Variants in CDH10 observed in about 807,000 individuals in gnomAD.
CDH10 encodes the protein cadherin 10.
Under a neutral mutation model 73.1 loss-of-function variants are expected in CDH10, and 30 were observed. That is an observed-to-expected ratio of 0.41 (90% CI 0.31 to 0.56). CDH10 has a LOEUF of 0.56. Among genes scored for constraint, CDH10 ranks in the 20% least tolerant of loss-of-function variants. The pLI is 0.27. For synonymous variants in CDH10, 345 were observed against 348.2 expected, an observed-to-expected ratio of 0.99 and a Z score of 0.10; for missense variants, 815 against 973.7, an observed-to-expected ratio of 0.84 and a Z score of 2.17.
At chr5:24,506,830 C>T (rs951983539) in intron 7 of CDH10, among the ~76,000 whole-genome samples, 12 of 152,146 alleles carry the variant, frequency 7.9e-5, no homozygotes, top group African/African-American at 2.7e-4. Context: ...TCAATAAAAG[C>T]GTCTGCTGTC....
intron 1 of CDH10, among the ~76,000 whole-genome samples, chr5:24,600,167 T>C (rs1005717615): frequency 6.6e-6 from 1 of 152,174 alleles, no homozygotes; most frequent in Non-Finnish European, 1.5e-5. Context: ...CATTTTTTGA[T>C]TCTTAAAGGG....
Position 24,593,530 on chromosome 5 carries a change from G to C in CDH10, c.-40C>G, listed in dbSNP as rs2112094957. On this transcript the variant is annotated 5_prime_UTR_variant, in exon 2 of 12. Transcript: ENST00000264463. ...CAAATCCCAGTGTAGATGAAGAGAA[G>C]TGGTCCTATTTTACCCAGTTGGTTT... 1 of 1,170,992 alleles carries C rather than the reference G, an allele frequency of 8.5e-7. No homozygotes were observed. Among genetic ancestry groups the C allele is most frequent in the African/African-American group, 1.5e-5 (1 of 65,762 alleles). 72.5% of individuals were successfully genotyped at this position (1,170,992 alleles called of 1,614,324 possible).
intron 8 of CDH10, among the ~76,000 whole-genome samples, chr5:24,504,528 T>G (rs1485483280): frequency 1.7e-4 from 22 of 127,394 alleles, no homozygotes; most frequent in Admixed American, 5.6e-4. Flanking sequence ...TTTTTTTTTT[T>G]TTTTTTTTTT....
chr5:24,535,974 A>G (rs1021047257), intron 3 of CDH10, 152 bp from the exon 4 acceptor site: 1 of 475,582 alleles, frequency 2.1e-6, no homozygotes, highest in African/African-American at 1.9e-5. Flanking sequence ...GTAGATATAT[A>G]GTGTTATTAC....
chr5:24,529,225 AAAAC>A (rs1177135112), intron 5 of CDH10, among the ~76,000 whole-genome samples: 1 of 152,026 alleles, frequency 6.6e-6, no homozygotes, highest in East Asian at 1.9e-4. Flanking sequence ...GCATTCAGAC[AAAAC>A]AAACAAACAA....
At chr5:24,518,071 G>T (rs1259273839) in intron 5 of CDH10, among the ~76,000 whole-genome samples, 1 of 152,166 alleles carries the variant, frequency 6.6e-6, no homozygotes. Context: ...GGATTGGGAT[G>T]AAGGATCACA....
At position 24,511,530 on chromosome 5, in the gene CDH10, A is replaced by C; in HGVS notation, c.815-16T>G. ...TGAATAGTGTCTGTAAAGTATAAAG[A>C]AAAGAAGAGAGAGACAGAGAGAGAG... On this transcript the variant is annotated splice_polypyrimidine_tract_variant and intron_variant, in intron 5 of 11. Coordinates refer to ENST00000264463, the MANE Select transcript of CDH10 (RefSeq NM_006727.5). 8.1e-7 allele frequency: 1 copy of C among 1,241,780 alleles called. No homozygotes were observed. Among genetic ancestry groups the C allele is most frequent in the Non-Finnish European group, 1.2e-6 (1 of 853,370 alleles). 76.9% of individuals were successfully genotyped at this position (1,241,780 alleles called of 1,614,324 possible). A position where few individuals can be genotyped will look rare whatever the true frequency, so the allele number is the denominator to read the frequency against.
At chr5:24,643,864 C>T (rs1748133135) in intron 1 of CDH10, among the ~76,000 whole-genome samples, 1 of 152,092 alleles carries the variant, frequency 6.6e-6, no homozygotes, top group Admixed American at 6.6e-5. Flanking sequence ...CAATATGCTG[C>T]ATTAATTTAA....
intron 1 of CDH10, among the ~76,000 whole-genome samples, chr5:24,601,463 G>A (rs1255300202): frequency 6.6e-6 from 1 of 152,110 alleles, no homozygotes; most frequent in African/African-American, 2.4e-5. Flanking sequence ...TCCTTATCTA[G>A]GAGACATCCC....
At chr5:24,547,671 T>C (rs575358833) in intron 2 of CDH10, among the ~76,000 whole-genome samples, 63 of 152,196 alleles carry the variant, frequency 4.1e-4, no homozygotes, top group African/African-American at 1.3e-3. Context: ...CAGAGAATTG[T>C]GGTTCTTAGA....
chr5:24,607,353 G>A (rs1746794702), intron 1 of CDH10, among the ~76,000 whole-genome samples: 1 of 152,018 alleles, frequency 6.6e-6, no homozygotes, highest in Non-Finnish European at 1.5e-5. Flanking sequence ...AGTATATGAT[G>A]GAACAGAACA....
intron 9 of CDH10, among the ~76,000 whole-genome samples, chr5:24,496,246 G>A (rs1368698385): frequency 6.6e-6 from 1 of 152,028 alleles, no homozygotes; most frequent in African/African-American, 2.4e-5. Context: ...GAAATCTGTG[G>A]TATTAAATTC....
chr5:24,544,276 G>A (rs1744260568), intron 2 of CDH10, among the ~76,000 whole-genome samples: 1 of 152,084 alleles, frequency 6.6e-6, no homozygotes, highest in African/African-American at 2.4e-5. Flanking sequence ...CCTGGAGACA[G>A]TGCAAGACTC....
intron 2 of CDH10, among the ~76,000 whole-genome samples, chr5:24,542,255 C>T (rs533263918): frequency 3.9e-4 from 59 of 152,196 alleles, no homozygotes; most frequent in African/African-American, 1.3e-3. Context: ...TAAGCTTACA[C>T]GTAAGTATAT....
At chr5:24,527,326 T>C in intron 5 of CDH10, among the ~76,000 whole-genome samples, 1 of 148,050 alleles carries the variant, frequency 6.8e-6, no homozygotes, top group South Asian at 2.1e-4. Flanking sequence ...CAGTCTTATA[T>C]ATATTTATAT....
intron 2 of CDH10, among the ~76,000 whole-genome samples, chr5:24,560,609 A>G (rs1744926021): frequency 6.6e-6 from 1 of 152,168 alleles, no homozygotes; most frequent in South Asian, 2.1e-4. Flanking sequence ...TTGTATAAAT[A>G]GATACTATTA....
chr5:24,595,552 CA>C (rs2112100185), intron 1 of CDH10, among the ~76,000 whole-genome samples: 1 of 151,946 alleles, frequency 6.6e-6, no homozygotes, highest in African/African-American at 2.4e-5. Context: ...CACTGGAACT[CA>C]AATTGATTGG....
intron 9 of CDH10, 93 bp from the exon 10 acceptor site, chr5:24,493,018 A>C (rs1302607896): frequency 3.1e-6 from 2 of 644,560 alleles, no homozygotes; most frequent in East Asian, 5.2e-5. Flanking sequence ...AAGTTGTTCA[A>C]AATAATTGAC....
chr5:24,539,758 A>G (rs1376006644), intron 2 of CDH10, among the ~76,000 whole-genome samples: 6 of 152,094 alleles, frequency 3.9e-5, no homozygotes, highest in Non-Finnish European at 1.5e-5. Flanking sequence ...TGTGACTTTT[A>G]TCCAGGAAAC....
Sources: gnomAD v4.1 joint callset for allele counts (sites outside exome capture counted in the v4.1 genomes callset) on GRCh38, gnomAD v4.1.1 for gene constraint, MANE v1.5 for transcripts, NCBI Gene and HGNC (gene_info 2026-07-23, HGNC 2026-07-21) for gene names.